Variants in DOCK8 observed in about 807,000 individuals in gnomAD.
DOCK8 encodes the protein dedicator of cytokinesis protein 8.
Under a neutral mutation model 245.6 loss-of-function variants are expected in DOCK8, and 141 were observed. That is an observed-to-expected ratio of 0.57 (90% CI 0.50 to 0.66). The LOEUF (loss-of-function observed/expected upper bound fraction) is 0.66. Ranked by LOEUF, DOCK8 falls within the 30% of genes least tolerant of loss-of-function variation. DOCK8 has a pLI of 0.00. For synonymous variants in DOCK8, 1,168 were observed against 970.2 expected (o/e 1.20, Z -3.79); for missense variants, 2,965 against 2,603.4 (o/e 1.14, Z -3.02).
chr9:303,332 A>G (rs1422325124), intron 4 of DOCK8, among the ~76,000 whole-genome samples: 1 of 152,166 alleles, frequency 6.6e-6, no homozygotes, highest in Non-Finnish European at 1.5e-5. Context: ...CGACACATGC[A>G]CTCGTATGTT....
At chr9:379,340 C>G (rs1483560126) in intron 20 of DOCK8, among the ~76,000 whole-genome samples, 1 of 152,074 alleles carries the variant, frequency 6.6e-6, no homozygotes, top group Non-Finnish European at 1.5e-5. Context: ...ATAGTGTCCA[C>G]AACAGTCACG....
chr9:274,711 A>G (rs927478182), intron 2 of DOCK8, among the ~76,000 whole-genome samples: 1 of 152,172 alleles, frequency 6.6e-6, no homozygotes, highest in Non-Finnish European at 1.5e-5. Context: ...TGTCGGTAAG[A>G]TTCATTTCTA....
intron 24 of DOCK8, among the ~76,000 whole-genome samples, chr9:393,121 G>GAAGA (rs2054283294): frequency 8.0e-6 from 1 of 125,270 alleles, no homozygotes; most frequent in South Asian, 2.7e-4. Context: ...AAAAGAAGAA[G>GAAGA]AAGAAGAAGA....
chr9:463,626 A>T lies in DOCK8; in HGVS notation c.6178A>T (p.Met2060Leu). Reference sequence around the variant, plus strand: ...CAAGCTAAAAGAGAACCTCAGGCCAATGATCGAGCGGAAAATTCCAGAACT... The same window carrying T: ...CAAGCTAAAAGAGAACCTCAGGCCATTGATCGAGCGGAAAATTCCAGAACT... ...YNKLKENLRP[M>L]IERKIPELYK... The change falls in exon 47 of 48, where the codon ATG becomes TTG. Residue 2060 changes from methionine (M) to leucine (L), a missense_variant. By Grantham distance (15) the Met-to-Leu change is conservative. Transcript: ENST00000432829. 6.2e-7 allele frequency: 1 copy of T among 1,613,876 alleles called. No homozygotes were observed. Among genetic ancestry groups the T allele is most frequent in the Non-Finnish European group, 8.5e-7 (1 of 1,180,026 alleles).
chr9:448,937 C>G (rs10733514), intron 44 of DOCK8, among the ~76,000 whole-genome samples: 90,040 of 152,112 alleles, frequency 0.59, 29,787 homozygotes, highest in East Asian at 0.99. Flanking sequence ...TAAAAGAATT[C>G]CATTTACTGG....
intron 6 of DOCK8, among the ~76,000 whole-genome samples, chr9:315,519 TA>T (rs1243797297): frequency 1.3e-5 from 2 of 152,230 alleles, no homozygotes; most frequent in South Asian, 4.1e-4. Flanking sequence ...TTAGTGGCAA[TA>T]AGAAATTATT....
intron 1 of DOCK8, among the ~76,000 whole-genome samples, chr9:224,693 T>C (rs601023): frequency 0.61 from 92,002 of 152,020 alleles, 28,465 homozygotes; most frequent in East Asian, 0.75. Context: ...CTAGAGAAGT[T>C]GGGCTGTCCT....
Position 377,522 on chromosome 9 carries a change from G to A in DOCK8, c.2440+311G>A, listed in dbSNP as rs573563685. On this transcript the variant is annotated intron_variant, in intron 20 of 47. Transcript: ENST00000432829. ...TTTATTTTACCTTGAAGATATTTTT[G>A]TTTTCTTGACTAACAGGAAATGGAA... 9.3e-4 allele frequency among the ~76,000 whole-genome samples: 142 copies of A among 152,126 alleles called. 2 individuals are homozygous for A. The highest frequency in any genetic ancestry group is 3.2e-3 in the African/African-American group (133 of 41,500).
chr9:355,641 G>A (rs1220995495), intron 14 of DOCK8, among the ~76,000 whole-genome samples: 1 of 152,092 alleles, frequency 6.6e-6, no homozygotes, highest in Admixed American at 6.5e-5. Flanking sequence ...TGCAAAATAG[G>A]GAAAAGTTGT....
chr9:304,695 C>T lies in DOCK8; in HGVS notation c.519C>T (p.Pro173=), dbSNP rs557936536. ...FESETLECSE[P]AAQAGPRHLN... Reference sequence around the variant, plus strand: ...CGGAAACCTTGGAGTGCAGTGAACCCGCTGCTCAGGTATTTCCTGTCAACA... The same window carrying T: ...CGGAAACCTTGGAGTGCAGTGAACCTGCTGCTCAGGTATTTCCTGTCAACA... The change falls in exon 5 of 48, where the codon CCC becomes CCT. Residue 173 remains proline, a synonymous_variant. Coordinates refer to ENST00000432829, the MANE Select transcript of DOCK8 (RefSeq NM_203447.4). 1.4e-5 allele frequency: 23 copies of T among 1,614,146 alleles called. No individual in the cohort carries two copies. Among genetic ancestry groups the T allele is most frequent in the East Asian group, 4.5e-5 (2 of 44,882 alleles).
intron 2 of DOCK8, among the ~76,000 whole-genome samples, chr9:282,261 T>C (rs948538358): frequency 6.6e-6 from 1 of 152,118 alleles, no homozygotes; most frequent in African/African-American, 2.4e-5. Flanking sequence ...CAGTAGATGC[T>C]CAGAACATCA....
At chr9:240,662 T>C (rs1051564502) in intron 1 of DOCK8, among the ~76,000 whole-genome samples, 8 of 152,186 alleles carry the variant, frequency 5.3e-5, no homozygotes, top group East Asian at 1.9e-4. Context: ...TCCCTTATTA[T>C]TGAATTAATT....
At position 338,100 on chromosome 9, in the gene DOCK8, G is replaced by A. The variant is rs1484537897; in HGVS notation, c.1423-906G>A. ...ACCTGGGAGGTGGAGGTTGCAGTGA[G>A]CCGAGATTGCCCCACTGCACTCCAG... On this transcript the variant is annotated intron_variant, in intron 12 of 47. Coordinates refer to ENST00000432829, the MANE Select transcript of DOCK8 (RefSeq NM_203447.4). 2.6e-5 allele frequency among the ~76,000 whole-genome samples: 4 copies of A among 151,948 alleles called. No individual in the cohort carries two copies. The East Asian group carries it at 7.7e-4, about 29-fold the overall frequency.
intron 1 of DOCK8, among the ~76,000 whole-genome samples, chr9:236,566 C>G (rs558544704): frequency 9.2e-5 from 14 of 152,296 alleles, no homozygotes; most frequent in African/African-American, 3.4e-4. Context: ...CTCTATCCCA[C>G]TAGTACCTGT....
chr9:403,942 A>ATATGTATATATATATG (rs1554694106), intron 26 of DOCK8, among the ~76,000 whole-genome samples: 3 of 81,846 alleles, frequency 3.7e-5, no homozygotes, highest in East Asian at 7.5e-4. Flanking sequence ...GTATATATAT[A>ATATGTATATATATATG]TGTGTATATA....
intron 2 of DOCK8, among the ~76,000 whole-genome samples, chr9:280,626 C>A (rs1031656270): frequency 6.6e-6 from 1 of 152,204 alleles, no homozygotes. Flanking sequence ...AAGTCAGGCC[C>A]ACCCAGGGGA....
intron 6 of DOCK8, chr9:312,486 A>G: frequency 2.0e-6 from 1 of 492,328 alleles, no homozygotes; most frequent in Non-Finnish European, 4.0e-6. Context: ...AGCAAGTCAA[A>G]CCATCCTATT....
At chr9:378,983 G>T (rs2053628735) in intron 20 of DOCK8, among the ~76,000 whole-genome samples, 1 of 152,212 alleles carries the variant, frequency 6.6e-6, no homozygotes, top group Non-Finnish European at 1.5e-5. Context: ...CATGGAGGAG[G>T]TGGGACTTGT....
intron 37 of DOCK8, among the ~76,000 whole-genome samples, chr9:433,603 T>C (rs552255152): frequency 6.6e-6 from 1 of 152,190 alleles, no homozygotes; most frequent in African/African-American, 2.4e-5. Context: ...TGGTTCAAAC[T>C]AATTTAAACA....
Sources: gnomAD v4.1 joint callset for allele counts (sites outside exome capture counted in the v4.1 genomes callset) on GRCh38, gnomAD v4.1.1 for gene constraint, MANE v1.5 for transcripts, NCBI Gene and HGNC (gene_info 2026-07-23, HGNC 2026-07-21) for gene names.